The following EXOC2 variants were observed in gnomAD, a reference collection of about 807,000 sequenced individuals.
The protein encoded by EXOC2 is exocyst complex component 2.
A neutral mutation model predicts 131.8 loss-of-function variants in EXOC2; 70 were observed. The ratio of observed to expected loss-of-function variants is 0.53; its 90% CI spans 0.44 to 0.65. The LOEUF (loss-of-function observed/expected upper bound fraction) is 0.65. EXOC2 is among the 30% of genes least tolerant of loss of function. The pLI is 0.00. For missense variants in EXOC2, 923 were observed against 1,108.6 expected, an observed-to-expected ratio of 0.83 and a Z score of 2.38; for synonymous variants, 411 against 398.4, an observed-to-expected ratio of 1.03 and a Z score of -0.38.
chr6:544,063 C>A (rs953791449), intron 22 of EXOC2, among the ~76,000 whole-genome samples: 3 of 152,292 alleles, frequency 2.0e-5, no homozygotes, highest in South Asian at 2.1e-4. Context: ...GATGGTACCA[C>A]AATTATCTAC....
intron 1 of EXOC2, among the ~76,000 whole-genome samples, chr6:642,882 AG>A (rs1354204361): frequency 6.6e-6 from 1 of 152,096 alleles, no homozygotes; most frequent in Non-Finnish European, 1.5e-5. Context: ...AAGTACTGGA[AG>A]AAAAAAAGTC....
intron 22 of EXOC2, among the ~76,000 whole-genome samples, chr6:534,084 G>A (rs1392963819): frequency 6.6e-6 from 1 of 152,154 alleles, no homozygotes; most frequent in East Asian, 1.9e-4. Context: ...TTAACACAAG[G>A]AACTCCTGGT....
intron 10 of EXOC2, 26 bp from the exon 11 acceptor site, chr6:592,613 G>A: frequency 6.4e-7 from 1 of 1,552,854 alleles, no homozygotes; most frequent in Non-Finnish European, 8.9e-7. Flanking sequence ...CAAGGTTGAG[G>A]CCAAAGGGAA....
chr6:503,793 T>C (rs997448916), intron 23 of EXOC2, among the ~76,000 whole-genome samples: 3 of 152,102 alleles, frequency 2.0e-5, no homozygotes, highest in Admixed American at 6.5e-5. Context: ...TTCGCTTCCT[T>C]TCTCTCTTCA....
At chr6:565,208 C>T (rs1757909702) in intron 13 of EXOC2, among the ~76,000 whole-genome samples, 2 of 152,226 alleles carry the variant, frequency 1.3e-5, no homozygotes, top group Non-Finnish European at 2.9e-5. Flanking sequence ...TGAATTTCAT[C>T]TACCATTTTC....
chr6:554,009 G>T (rs1757286034), intron 20 of EXOC2, 89 bp from the exon 21 acceptor site: 1 of 966,624 alleles, frequency 1.0e-6, no homozygotes, highest in Admixed American at 2.0e-5. Flanking sequence ...AACGTGCAAT[G>T]AATTATATGG....
In EXOC2 at chr6:693,068, G is replaced by A. The variant is rs1765027330; in HGVS notation, c.-93C>T. ...CGGCCGGCACAGACAGGGCCCGGTAGGTCTCGCCGAAGACTCCGCGGCCGC... is the reference window on the plus strand; with the variant it reads ...CGGCCGGCACAGACAGGGCCCGGTAAGTCTCGCCGAAGACTCCGCGGCCGC... On this transcript the variant is annotated 5_prime_UTR_variant, in exon 1 of 28. Transcript: ENST00000230449. 1 of 152,424 alleles carries A rather than the reference G, an allele frequency of 6.6e-6. No homozygotes were observed. Among genetic ancestry groups the A allele is most frequent in the Admixed American group, 6.5e-5 (1 of 15,290 alleles). The allele number at this position is 152,424 out of a possible 1,614,324, so 9.4% of individuals were successfully genotyped here.
At chr6:502,625 G>A (rs1486513859) in intron 23 of EXOC2, among the ~76,000 whole-genome samples, 1 of 151,952 alleles carries the variant, frequency 6.6e-6, no homozygotes, top group Non-Finnish European at 1.5e-5. Context: ...AAGAATAAAG[G>A]CACAGGACCC....
intron 1 of EXOC2, among the ~76,000 whole-genome samples, chr6:683,228 AG>A (rs1414031078): frequency 2.0e-5 from 3 of 152,246 alleles, no homozygotes; most frequent in Non-Finnish European, 4.4e-5. Flanking sequence ...CAAGACTGCC[AG>A]GAAGACATGA....
At chr6:593,376 C>T (rs1283554250) in intron 10 of EXOC2, among the ~76,000 whole-genome samples, 3 of 152,112 alleles carry the variant, frequency 2.0e-5, no homozygotes, top group Non-Finnish European at 4.4e-5. Flanking sequence ...GAGGGCTAAC[C>T]GAACTGTGAA....
chr6:630,453 T>C (rs533233143), intron 3 of EXOC2, among the ~76,000 whole-genome samples: 7 of 152,298 alleles, frequency 4.6e-5, no homozygotes, highest in Non-Finnish European at 8.8e-5. Context: ...TCGAGTAAAA[T>C]GTTAGCTCAG....
rs1025559260 is a variant in EXOC2, at chr6:485,768, C to T, written c.*903G>A. On this transcript the variant is annotated 3_prime_UTR_variant, in exon 28 of 28. Coordinates refer to ENST00000230449, the MANE Select transcript of EXOC2 (RefSeq NM_018303.6). ...CATTGTTCCAGCTACTGAGCAAGAT[C>T]CTTCAGCAGGTAAGAAGTGGCAGAG... 2.6e-5 allele frequency: 4 copies of T among 152,242 alleles called. No individual in the cohort carries two copies. Among genetic ancestry groups the T allele is most frequent in the East Asian group, 1.9e-4 (1 of 5,198 alleles). The allele number at this position is 152,242 out of a possible 1,614,324, so 9.4% of individuals were successfully genotyped here. A position where few individuals can be genotyped will look rare whatever the true frequency, so the allele number is the denominator to read the frequency against.
At chr6:593,116 A>C (rs1759632487) in intron 10 of EXOC2, among the ~76,000 whole-genome samples, 1 of 152,174 alleles carries the variant, frequency 6.6e-6, no homozygotes, top group Admixed American at 6.5e-5. Context: ...ACTATTAAAA[A>C]CAGCTCTTTG....
chr6:620,373 G>T (rs1761223274), intron 4 of EXOC2, among the ~76,000 whole-genome samples: 1 of 152,096 alleles, frequency 6.6e-6, no homozygotes, highest in Non-Finnish European at 1.5e-5. Flanking sequence ...CATGAAACCT[G>T]ACGCTTCGGC....
chr6:654,566 A>G (rs1762973412), intron 1 of EXOC2, among the ~76,000 whole-genome samples: 1 of 151,408 alleles, frequency 6.6e-6, no homozygotes, highest in African/African-American at 2.4e-5. Flanking sequence ...ATGGAAGGCT[A>G]AGGCGGGAGG....
intron 17 of EXOC2, 84 bp from the exon 18 acceptor site, chr6:556,648 A>G (rs1275229879): frequency 7.7e-6 from 11 of 1,420,564 alleles, no homozygotes; most frequent in Admixed American, 1.8e-5. Context: ...TATGGCCCCA[A>G]GCCCCACATT....
Position 553,849 on chromosome 6 carries a change from C to G in EXOC2, c.2121+5G>C. On this transcript the variant is annotated splice_donor_5th_base_variant and intron_variant, in intron 21 of 27. Coordinates refer to ENST00000230449, the MANE Select transcript of EXOC2 (RefSeq NM_018303.6). ...GGTTTACTTTCTAGTTATCGTCTGA[C>G]TTACTGAGGTCAAGCTGAAGTCTTC... 1 of 1,612,254 alleles carries G rather than the reference C, an allele frequency of 6.2e-7. No individual in the cohort carries two copies. The highest frequency in any genetic ancestry group is 8.5e-7 in the Non-Finnish European group (1 of 1,178,400).
chr6:642,027 G>A (rs1043089320), intron 1 of EXOC2, among the ~76,000 whole-genome samples: 3 of 151,994 alleles, frequency 2.0e-5, no homozygotes, highest in African/African-American at 7.2e-5. Context: ...CGTCCACACT[G>A]CCTACTTCAT....
intron 23 of EXOC2, among the ~76,000 whole-genome samples, chr6:526,432 A>AT (rs70985804): frequency 0.021 from 1,587 of 75,988 alleles, 95 homozygotes; most frequent in African/African-American, 0.062. Flanking sequence ...TTCTTTGTGG[A>AT]TTTTTTTTTT....
Sources: allele counts gnomAD v4.1 joint callset (sites outside exome capture counted in the v4.1 genomes callset), GRCh38; gene constraint gnomAD v4.1.1; transcripts MANE v1.5; gene names NCBI Gene and HGNC (gene_info 2026-07-23, HGNC 2026-07-21).